ATRNL1: variants seen among roughly 807,000 people sequenced by gnomAD.
ATRNL1 encodes attractin-like protein 1.
A neutral mutation model predicts 182.7 loss-of-function variants in ATRNL1; 95 were observed. The ratio of observed to expected loss-of-function variants is 0.52; its 90% CI spans 0.44 to 0.62. ATRNL1 has a LOEUF of 0.62. ATRNL1 is among the 20% of genes least tolerant of loss of function. The probability of loss-of-function intolerance (pLI) is 0.00; values close to 1 mark genes in which losing one functional copy is unlikely to be tolerated. For synonymous variants in ATRNL1, 576 were observed against 568.3 expected (o/e 1.01, Z -0.19); for missense variants, 1,471 against 1,679.5 (o/e 0.88, Z 2.17).
chr10:115,118,103 A>C (rs1260969151), intron 1 of ATRNL1, among the ~76,000 whole-genome samples: 1 of 152,072 alleles, frequency 6.6e-6, no homozygotes, highest in Non-Finnish European at 1.5e-5. Flanking sequence ...TCTGGTTATT[A>C]ATCCTTTGTC....
intron 26 of ATRNL1, among the ~76,000 whole-genome samples, chr10:115,666,804 C>T (rs1433259384): frequency 1.3e-5 from 2 of 152,092 alleles, no homozygotes; most frequent in Non-Finnish European, 2.9e-5. Context: ...TTGGACAGCA[C>T]TCATCTAGAA....
intron 21 of ATRNL1, among the ~76,000 whole-genome samples, chr10:115,458,807 A>G (rs888832288): frequency 3.3e-5 from 5 of 152,096 alleles, no homozygotes; most frequent in African/African-American, 7.2e-5. Context: ...ATTTGTGGAA[A>G]TAGTTTTGAA....
intron 8 of ATRNL1, among the ~76,000 whole-genome samples, chr10:115,203,175 C>G (rs1187641624): frequency 2.0e-5 from 3 of 151,992 alleles, no homozygotes; most frequent in African/African-American, 7.2e-5. Flanking sequence ...TTCAAAAGCC[C>G]TAACAATGAT....
chr10:115,234,699 TC>T (rs1554900870), intron 9 of ATRNL1, among the ~76,000 whole-genome samples: 2 of 150,870 alleles, frequency 1.3e-5, no homozygotes, highest in Non-Finnish European at 3.0e-5. Flanking sequence ...CAAGCGATCC[TC>T]TCACTTTAGA....
chr10:115,229,900 T>A (rs1321451711), intron 9 of ATRNL1, among the ~76,000 whole-genome samples: 1 of 152,142 alleles, frequency 6.6e-6, no homozygotes, highest in Non-Finnish European at 1.5e-5. Context: ...TTCAAAACCA[T>A]AATAAAATGA....
At chr10:115,537,950 T>C (rs552422917) in intron 25 of ATRNL1, among the ~76,000 whole-genome samples, 1 of 152,278 alleles carries the variant, frequency 6.6e-6, no homozygotes, top group Admixed American at 6.5e-5. Context: ...GTTTTGCCTT[T>C]TCCAGAATGT....
At chr10:115,905,009 GT>G (rs1195609509) in intron 28 of ATRNL1, among the ~76,000 whole-genome samples, 12 of 152,114 alleles carry the variant, frequency 7.9e-5, no homozygotes, top group Non-Finnish European at 1.2e-4. Context: ...AGTCCCTTCA[GT>G]GCTTCATAAA....
intron 28 of ATRNL1, among the ~76,000 whole-genome samples, chr10:115,912,068 C>T (rs782332707): frequency 2.8e-4 from 42 of 152,116 alleles, no homozygotes; most frequent in Admixed American, 5.2e-4. Context: ...ATTGGGACAT[C>T]GGGAAGCATT....
chr10:115,171,255 A>T lies in ATRNL1; in HGVS notation c.1311A>T (p.Ile437=). The change falls in exon 8 of 29, where the codon ATA becomes ATT. Residue 437 remains isoleucine, a synonymous_variant. Coordinates refer to ENST00000355044, the MANE Select transcript of ATRNL1 (RefSeq NM_207303.4). ...TCATAATATTTGGATATTCTGCAAT[A>T]TATGGTTATACAAGCAGCATACAGG... ...VMIIIFGYSA[I]YGYTSSIQEY... 1.2e-6 allele frequency: 2 copies of T among 1,608,228 alleles called. No homozygotes were observed. Among genetic ancestry groups the T allele is most frequent in the Non-Finnish European group, 1.7e-6 (2 of 1,175,914 alleles).
At chr10:115,350,200 G>A (rs1322240935) in intron 19 of ATRNL1, among the ~76,000 whole-genome samples, 2 of 151,724 alleles carry the variant, frequency 1.3e-5, no homozygotes, top group African/African-American at 4.8e-5. Context: ...GCTGGGTGTG[G>A]TGGTGTGCGC....
chr10:115,523,958 G>C (rs1554985928), intron 25 of ATRNL1, among the ~76,000 whole-genome samples: 2 of 152,198 alleles, frequency 1.3e-5, no homozygotes, highest in Non-Finnish European at 2.9e-5. Flanking sequence ...CTTGGCTCAT[G>C]GTTCTGCAGG....
chr10:115,518,040 A>G (rs1850727320), intron 24 of ATRNL1, among the ~76,000 whole-genome samples: 1 of 151,938 alleles, frequency 6.6e-6, no homozygotes, highest in Non-Finnish European at 1.5e-5. Flanking sequence ...TTAAGCTTAC[A>G]TGTACATGCC....
chr10:115,559,448 G>GCA (rs1307370435), intron 26 of ATRNL1, among the ~76,000 whole-genome samples: 2,550 of 51,670 alleles, frequency 0.049, 65 homozygotes, highest in African/African-American at 0.14. Flanking sequence ...GTGTGTGCGC[G>GCA]CGCGCACGCA....
At chr10:115,179,081 A>C (rs1183185605) in intron 8 of ATRNL1, among the ~76,000 whole-genome samples, 2 of 152,130 alleles carry the variant, frequency 1.3e-5, no homozygotes, top group Non-Finnish European at 2.9e-5. Flanking sequence ...ACTTTCCTTA[A>C]AAGTGTGAAT....
chr10:115,378,874 A>G (rs561190212), intron 19 of ATRNL1, among the ~76,000 whole-genome samples: 2 of 152,344 alleles, frequency 1.3e-5, no homozygotes, highest in South Asian at 4.1e-4. Flanking sequence ...TTAAATTTAC[A>G]TGATATCCTA....
At chr10:115,174,701 G>A (rs2144115507) in intron 8 of ATRNL1, among the ~76,000 whole-genome samples, 1 of 152,026 alleles carries the variant, frequency 6.6e-6, no homozygotes, top group Middle Eastern at 3.4e-3. Flanking sequence ...AAACAAATGG[G>A]CATGGTTGTG....
At chr10:115,372,489 T>C (rs1249433179) in intron 19 of ATRNL1, among the ~76,000 whole-genome samples, 5 of 152,190 alleles carry the variant, frequency 3.3e-5, no homozygotes, top group African/African-American at 1.2e-4. Flanking sequence ...CCTATGTTTT[T>C]CTCTAAGAAT....
chr10:115,908,865 A>T (rs1312072294), intron 28 of ATRNL1, among the ~76,000 whole-genome samples: 3 of 152,168 alleles, frequency 2.0e-5, no homozygotes, highest in Non-Finnish European at 2.9e-5. Flanking sequence ...AAACCTAATA[A>T]CATGGAATAT....
chr10:115,196,032 AC>A, intron 8 of ATRNL1, among the ~76,000 whole-genome samples: 1 of 152,202 alleles, frequency 6.6e-6, no homozygotes, highest in East Asian at 1.9e-4. Context: ...CCAGTGGCTC[AC>A]ACCTATAATC....
Sources: gnomAD v4.1 joint callset for allele counts (sites outside exome capture counted in the v4.1 genomes callset) on GRCh38, gnomAD v4.1.1 for gene constraint, MANE v1.5 for transcripts, NCBI Gene and HGNC (gene_info 2026-07-23, HGNC 2026-07-21) for gene names.